The following CPVL variants were observed in gnomAD, a reference collection of about 807,000 sequenced individuals.
CPVL encodes probable serine carboxypeptidase CPVL.
CPVL carries 51 observed loss-of-function variants against 63.7 expected under a neutral mutation model. The observed-to-expected ratio is 0.80, with a 90% CI of 0.64 to 1.01. The LOEUF (loss-of-function observed/expected upper bound fraction) is 1.01, where lower values mean the gene tolerates loss of function less well. Ranked by LOEUF, CPVL falls within the 50% of genes least tolerant of loss-of-function variation. The pLI is 0.00. For missense variants in CPVL, 530 were observed against 573.1 expected (o/e 0.92, Z 0.77); for synonymous variants, 195 against 206.0 (o/e 0.95, Z 0.46).
intron 12 of CPVL, among the ~76,000 whole-genome samples, chr7:28,998,295 G>A (rs185418664): frequency 9.9e-5 from 15 of 152,280 alleles, no homozygotes; most frequent in Admixed American, 8.5e-4. Flanking sequence ...GCAATGGTCC[G>A]GAACACCAAT....
At chr7:29,136,598 G>C (rs969869931) in intron 1 of CPVL, among the ~76,000 whole-genome samples, 1 of 152,122 alleles carries the variant, frequency 6.6e-6, no homozygotes, top group East Asian at 1.9e-4. Flanking sequence ...TGGAAATTTG[G>C]AATTAAAGGC....
chr7:29,117,662 T>G (rs1788907809), intron 2 of CPVL, among the ~76,000 whole-genome samples: 1 of 152,186 alleles, frequency 6.6e-6, no homozygotes, highest in African/African-American at 2.4e-5. Flanking sequence ...ACTAGTTTTA[T>G]GGCCCTAGGC....
intron 10 of CPVL, among the ~76,000 whole-genome samples, chr7:29,064,880 T>G (rs1183660669): frequency 1.3e-5 from 2 of 151,634 alleles, no homozygotes; most frequent in Non-Finnish European, 2.9e-5. Context: ...CTGCACGTTG[T>G]GCACATGTAC....
chr7:29,189,832 C>A (rs990539288), intron 1 of CPVL, among the ~76,000 whole-genome samples: 3 of 152,166 alleles, frequency 2.0e-5, no homozygotes, highest in Non-Finnish European at 4.4e-5. Flanking sequence ...CCCCCAAGCC[C>A]CCCTGCAGCT....
At chr7:29,070,831 C>T (rs1783658970) in intron 9 of CPVL, among the ~76,000 whole-genome samples, 1 of 152,218 alleles carries the variant, frequency 6.6e-6, no homozygotes, top group Non-Finnish European at 1.5e-5. Flanking sequence ...TTATCCTCTA[C>T]CCTTTTCTCC....
chr7:29,143,520 AT>A (rs1792126020), intron 1 of CPVL, among the ~76,000 whole-genome samples: 1 of 152,174 alleles, frequency 6.6e-6, no homozygotes, highest in Admixed American at 6.5e-5. Flanking sequence ...CCTGGGTTAC[AT>A]TCTCTCCCAA....
At chr7:29,178,406 C>T (rs554314431) in intron 5 of CPVL, among the ~76,000 whole-genome samples, 9 of 152,222 alleles carry the variant, frequency 5.9e-5, no homozygotes, top group African/African-American at 1.4e-4. Context: ...ATTCCTTTGA[C>T]GCCAGCTCCA....
intron 1 of CPVL, among the ~76,000 whole-genome samples, chr7:29,121,370 G>A (rs887113065): frequency 2.0e-5 from 3 of 151,772 alleles, no homozygotes; most frequent in South Asian, 2.1e-4. Context: ...GCACAGTCAC[G>A]TCTCACTGTT....
At chr7:29,123,628 A>AAATATAT (rs1562780901) in intron 1 of CPVL, among the ~76,000 whole-genome samples, 2 of 41,752 alleles carry the variant, frequency 4.8e-5, no homozygotes, top group Non-Finnish European at 7.9e-5. Flanking sequence ...AAAAAAAAAA[A>AAATATAT]ATATATATAT....
At chr7:29,163,477 C>G (rs1171263990) in intron 5 of CPVL, among the ~76,000 whole-genome samples, 1 of 151,886 alleles carries the variant, frequency 6.6e-6, no homozygotes, top group Non-Finnish European at 1.5e-5. Flanking sequence ...AATATGGTAC[C>G]CTGAAAATTG....
intron 11 of CPVL, among the ~76,000 whole-genome samples, chr7:29,038,356 C>T (rs1788747262): frequency 6.6e-6 from 1 of 152,106 alleles, no homozygotes; most frequent in Non-Finnish European, 1.5e-5. Context: ...TGTGAGGATA[C>T]AAAAAGAGGT....
chr7:29,026,649 G>T (rs1787518932), intron 12 of CPVL, among the ~76,000 whole-genome samples: 1 of 151,808 alleles, frequency 6.6e-6, no homozygotes, highest in African/African-American at 2.4e-5. Flanking sequence ...ATCAGAAATG[G>T]AAAAGGAGAC....
intron 11 of CPVL, among the ~76,000 whole-genome samples, chr7:29,031,685 A>C (rs1266635838): frequency 6.6e-6 from 1 of 152,172 alleles, no homozygotes; most frequent in Non-Finnish European, 1.5e-5. Context: ...AAAAAATTAT[A>C]TATATTCATT....
intron 1 of CPVL, chr7:29,192,422 T>A (rs980769921): frequency 6.6e-6 from 1 of 152,214 alleles, no homozygotes; most frequent in Non-Finnish European, 1.5e-5. Context: ...CTGTTGTCCT[T>A]TTGTGAAATT....
chr7:29,082,531 A>G (rs1784834925), intron 7 of CPVL: 1 of 152,202 alleles, frequency 6.6e-6, no homozygotes, highest in Non-Finnish European at 1.5e-5. Flanking sequence ...TTCATAATAA[A>G]CCATCAAGGC....
At chr7:29,077,659 C>A (rs770091464) in intron 7 of CPVL, among the ~76,000 whole-genome samples, 2 of 152,216 alleles carry the variant, frequency 1.3e-5, no homozygotes, top group Non-Finnish European at 2.9e-5. Context: ...CCCCAGAAGG[C>A]ATCAAGGCGC....
intron 5 of CPVL, among the ~76,000 whole-genome samples, chr7:29,163,498 T>G (rs1376703533): frequency 6.6e-6 from 1 of 152,196 alleles, no homozygotes; most frequent in African/African-American, 2.4e-5. Flanking sequence ...ACACATATGT[T>G]AATGGGCATA....
chr7:29,189,221 G>T (rs1257490788), intron 1 of CPVL, among the ~76,000 whole-genome samples: 3 of 151,990 alleles, frequency 2.0e-5, no homozygotes, highest in Non-Finnish European at 4.4e-5. Flanking sequence ...CAAAGGGCTG[G>T]GATTACAGGT....
intron 10 of CPVL, among the ~76,000 whole-genome samples, chr7:29,064,985 T>C (rs1783007937): frequency 1.3e-5 from 2 of 151,568 alleles, no homozygotes; most frequent in Admixed American, 6.6e-5. Flanking sequence ...GGGGAAAATA[T>C]GTCAAATGTG....
Sources: gnomAD v4.1 joint callset for allele counts (sites outside exome capture counted in the v4.1 genomes callset) on GRCh38, gnomAD v4.1.1 for gene constraint, MANE v1.5 for transcripts, NCBI Gene and HGNC (gene_info 2026-07-23, HGNC 2026-07-21) for gene names.